TMTC2: variants seen among roughly 807,000 people sequenced by gnomAD.
TMTC2 encodes protein O-mannosyl-transferase TMTC2.
Under a neutral mutation model 82.4 loss-of-function variants are expected in TMTC2, and 43 were observed. That is an observed-to-expected ratio of 0.52 (90% confidence interval 0.41 to 0.67). The LOEUF is 0.67. Among genes scored for constraint, TMTC2 ranks in the 30% least tolerant of loss-of-function variants. The pLI is 0.00. For missense variants in TMTC2, 919 were observed against 1,012.4 expected (o/e 0.91, Z 1.25); for synonymous variants, 408 against 381.9 (o/e 1.07, Z -0.80).
At chr12:82,974,369 A>T (rs567369840) in intron 7 of TMTC2, among the ~76,000 whole-genome samples, 10 of 152,370 alleles carry the variant, frequency 6.6e-5, no homozygotes, top group Admixed American at 6.5e-4. Flanking sequence ...TTGTGATTTT[A>T]TGTTACACCT....
rs141022095 is a variant in TMTC2 at position 82,747,689 on chromosome 12, C to T, written c.83+60020C>T. 1.1e-4 allele frequency among the ~76,000 whole-genome samples: 17 copies of T among 152,292 alleles called. No homozygotes were observed. The South Asian group carries it at 1.2e-3, about 11-fold the overall frequency. ...GGAGTATTGTTCCTTCTAACAATAT[C>T]GACCCACTGCTGAATTCTTCTAATG... On this transcript the variant is annotated intron_variant, in intron 1 of 11. Transcript: ENST00000321196.
intron 4 of TMTC2, among the ~76,000 whole-genome samples, chr12:82,947,795 GA>G (rs1877107218): frequency 1.3e-5 from 2 of 152,204 alleles, no homozygotes; most frequent in South Asian, 4.1e-4. Flanking sequence ...AGAATGAATA[GA>G]AAAGAGAATA....
intron 1 of TMTC2, among the ~76,000 whole-genome samples, chr12:82,782,149 C>T (rs1448429326): frequency 1.3e-5 from 2 of 152,076 alleles, no homozygotes; most frequent in Non-Finnish European, 2.9e-5. Context: ...TGGCTGGATG[C>T]TTCTTAGGAA....
At chr12:82,731,285 T>G (rs879554105) in intron 1 of TMTC2, among the ~76,000 whole-genome samples, 8 of 152,228 alleles carry the variant, frequency 5.3e-5, no homozygotes, top group South Asian at 2.1e-4. Flanking sequence ...ACTGAGCAAA[T>G]GTTTCTGCGT....
intron 9 of TMTC2, among the ~76,000 whole-genome samples, chr12:83,049,717 A>C (rs373364039): frequency 5.9e-5 from 9 of 152,316 alleles, no homozygotes; most frequent in South Asian, 2.1e-4. Context: ...TTCTGCTTTA[A>C]GTTCTTTGAG....
chr12:83,055,364 T>C (rs971775922), intron 10 of TMTC2, among the ~76,000 whole-genome samples: 1 of 152,090 alleles, frequency 6.6e-6, no homozygotes, highest in Non-Finnish European at 1.5e-5. Flanking sequence ...TCATAAAGAA[T>C]GTTGACAATA....
intron 3 of TMTC2, among the ~76,000 whole-genome samples, chr12:82,908,899 T>G (rs1159938719): frequency 6.6e-6 from 1 of 152,176 alleles, no homozygotes; most frequent in Non-Finnish European, 1.5e-5. Flanking sequence ...TGTGTTTTGT[T>G]CAATTGGTAC....
At chr12:82,764,506 GCT>G in intron 1 of TMTC2, among the ~76,000 whole-genome samples, 1 of 152,102 alleles carries the variant, frequency 6.6e-6, no homozygotes, top group Non-Finnish European at 1.5e-5. Flanking sequence ...CTTTGCCTCT[GCT>G]CTCTCACAAA....
chr12:83,128,292 T>TAACTC (rs1168943113), intron 11 of TMTC2, among the ~76,000 whole-genome samples: 1 of 152,070 alleles, frequency 6.6e-6, no homozygotes, highest in South Asian at 2.1e-4. Context: ...AGTATTAGAG[T>TAACTC]TAGGTAGACT....
intron 11 of TMTC2, among the ~76,000 whole-genome samples, chr12:83,088,202 T>C (rs1371259764): frequency 6.6e-6 from 1 of 152,234 alleles, no homozygotes; most frequent in Non-Finnish European, 1.5e-5. Context: ...AGCTTTCTTA[T>C]CTTTTAGCCT....
chr12:82,895,111 C>T (rs1873592800), intron 2 of TMTC2, among the ~76,000 whole-genome samples: 1 of 151,876 alleles, frequency 6.6e-6, no homozygotes, highest in Admixed American at 6.6e-5. Context: ...GCCACTGTGC[C>T]CGGCCTAAAG....
intron 1 of TMTC2, among the ~76,000 whole-genome samples, chr12:82,850,740 C>T (rs1870930432): frequency 6.6e-6 from 1 of 151,994 alleles, no homozygotes; most frequent in African/African-American, 2.4e-5. Context: ...GACCATGATC[C>T]ACTGATTTTG....
intron 11 of TMTC2, among the ~76,000 whole-genome samples, chr12:83,127,471 T>C (rs1028221106): frequency 2.0e-5 from 3 of 151,896 alleles, no homozygotes; most frequent in Non-Finnish European, 4.4e-5. Context: ...ACTGCAGGGG[T>C]ATCCAACTCC....
At chr12:82,989,142 G>A (rs894464812) in intron 8 of TMTC2, among the ~76,000 whole-genome samples, 2 of 151,680 alleles carry the variant, frequency 1.3e-5, no homozygotes, top group South Asian at 2.1e-4. Context: ...GAATTTAAAG[G>A]TATGATAGCA....
intron 1 of TMTC2, among the ~76,000 whole-genome samples, chr12:82,763,486 T>A (rs1266478797): frequency 6.6e-6 from 1 of 152,200 alleles, no homozygotes; most frequent in Admixed American, 6.5e-5. Context: ...CAATAACCCT[T>A]TGAAAACTTG....
intron 8 of TMTC2, among the ~76,000 whole-genome samples, chr12:83,003,020 A>C (rs1879996842): frequency 6.6e-6 from 1 of 152,086 alleles, no homozygotes; most frequent in Non-Finnish European, 1.5e-5. Flanking sequence ...TGGGGAGTTA[A>C]AGCCTCCCAC....
intron 11 of TMTC2, among the ~76,000 whole-genome samples, chr12:83,082,754 G>T (rs1883515617): frequency 6.6e-6 from 1 of 152,150 alleles, no homozygotes; most frequent in Admixed American, 6.5e-5. Context: ...AAAGAAACTG[G>T]GTTTTTGGGT....
intron 11 of TMTC2, among the ~76,000 whole-genome samples, chr12:83,071,223 C>T (rs1028184695): frequency 3.4e-5 from 5 of 147,296 alleles, no homozygotes; most frequent in South Asian, 2.3e-4. Flanking sequence ...GGCGCTATCT[C>T]GGCTCACTGC....
At chr12:82,705,913 A>G (rs1232747844) in intron 1 of TMTC2, among the ~76,000 whole-genome samples, 1 of 152,208 alleles carries the variant, frequency 6.6e-6, no homozygotes, top group Middle Eastern at 3.2e-3. Context: ...GAGTGAGTAC[A>G]TAAGAGGGGC....
Sources: allele counts gnomAD v4.1 joint callset (sites outside exome capture counted in the v4.1 genomes callset), GRCh38; gene constraint gnomAD v4.1.1; transcripts MANE v1.5; gene names NCBI Gene and HGNC (gene_info 2026-07-23, HGNC 2026-07-21).